SYNJ2: variants seen among roughly 807,000 people sequenced by gnomAD.
SYNJ2 encodes the protein polyphosphatidylinositol phosphatase SYNJ2.
In SYNJ2, 116 loss-of-function variants were observed where a neutral mutation model predicts 141.3. The ratio of observed to expected loss-of-function variants is 0.82; its 90% CI spans 0.71 to 0.96. The LOEUF (loss-of-function observed/expected upper bound fraction) is 0.96, where lower values mean the gene tolerates loss of function less well. Among genes scored for constraint, SYNJ2 ranks in the 40% least tolerant of loss-of-function variants. The pLI is 0.00. For missense variants in SYNJ2, 1,873 were observed against 1,934.8 expected (o/e 0.97, Z 0.60); for synonymous variants, 745 against 777.7 (o/e 0.96, Z 0.70).
chr6:158,000,064 CT>C (rs58284240), intron 1 of SYNJ2, among the ~76,000 whole-genome samples: 18 of 85,586 alleles, frequency 2.1e-4, no homozygotes, highest in Non-Finnish European at 3.2e-4. Flanking sequence ...AGCCAAAAGG[CT>C]TTTTTTTTTT....
At chr6:157,996,561 C>T (rs1777640377) in intron 1 of SYNJ2, among the ~76,000 whole-genome samples, 1 of 152,194 alleles carries the variant, frequency 6.6e-6, no homozygotes, top group South Asian at 2.1e-4. Context: ...CATGCACTCC[C>T]TCCCCCAGGT....
Position 158,064,928 on chromosome 6 carries a change from G to A in SYNJ2, c.1462G>A (p.Asp488Asn), listed in dbSNP as rs768978230. The change falls in exon 11 of 27, where the codon GAC (aspartate) becomes AAC (asparagine). Residue 488 changes from aspartate to asparagine, a missense_variant. Physicochemically the swap from Asp to Asn is conservative, Grantham distance 23. Coordinates refer to ENST00000355585, the MANE Select transcript of SYNJ2 (RefSeq NM_003898.4). ...QEAIKLLLVG[D>N]VYGEEVADKG... ...GGCCATCAAGCTGCTGCTGGTTGGGGACGTCTACGGCGAGGAGGTGGCAGA... is the reference window on the plus strand; with the variant it reads ...GGCCATCAAGCTGCTGCTGGTTGGGAACGTCTACGGCGAGGAGGTGGCAGA... 1.9e-6 allele frequency: 3 copies of A among 1,613,468 alleles called. No individual in the cohort carries two copies. Among genetic ancestry groups the A allele is most frequent in the Non-Finnish European group, 2.5e-6 (3 of 1,179,810 alleles).
intron 6 of SYNJ2, 73 bp from the exon 7 acceptor site, chr6:158,059,184 T>G: frequency 1.4e-6 from 2 of 1,394,292 alleles, no homozygotes; most frequent in Non-Finnish European, 1.9e-6. Flanking sequence ...CGTCTTCCCT[T>G]GAGGGGCAGA....
At chr6:158,046,001 G>T (rs925815246) in intron 5 of SYNJ2, among the ~76,000 whole-genome samples, 5 of 152,130 alleles carry the variant, frequency 3.3e-5, no homozygotes, top group African/African-American at 1.2e-4. Context: ...GGAGTGCAAT[G>T]GCACGACCTC....
In SYNJ2 at chr6:158,071,291, C is replaced by T. The variant is rs564544960; in HGVS notation, c.1941-311C>T. Reference sequence around the variant, plus strand: ...GTGGGCTGGTGGGTGGTGATGTTTGCGCCGCTCCTGGTGGCAGTGAGAACC... The same window carrying T: ...GTGGGCTGGTGGGTGGTGATGTTTGTGCCGCTCCTGGTGGCAGTGAGAACC... On this transcript the variant is annotated intron_variant, in intron 14 of 26. Coordinates refer to ENST00000355585, the MANE Select transcript of SYNJ2 (RefSeq NM_003898.4). This position sits in a 1 kb window ranked among gnomAD's most constrained non-coding sequence, Gnocchi z 4.3. 4.6e-5 allele frequency among the ~76,000 whole-genome samples: 7 copies of T among 152,280 alleles called. No homozygotes were observed. The highest frequency in any genetic ancestry group is 2.1e-4 in the South Asian group (1 of 4,828).
chr6:158,020,689 T>C (rs1412324854), intron 2 of SYNJ2, among the ~76,000 whole-genome samples: 1 of 151,116 alleles, frequency 6.6e-6, no homozygotes, highest in Non-Finnish European at 1.5e-5. Flanking sequence ...TGTGACTCCA[T>C]GTATGTGACC....
At position 158,084,259 on chromosome 6, in the gene SYNJ2, C is replaced by G; in HGVS notation, c.3208+85C>G. The stretch of plus-strand genomic sequence containing the variant: ...TCCTTTTTCTCTTGGCGATTGGGCA[C>G]TGTGTGATATCAAGTATGCAGGTCC... On this transcript the variant is annotated intron_variant, in intron 22 of 26. Transcript: ENST00000355585. This position sits in a 1 kb window ranked among gnomAD's most constrained non-coding sequence, Gnocchi z 5.0. 1 of 1,449,410 alleles carries G rather than the reference C, an allele frequency of 6.9e-7. No homozygotes were observed. Among genetic ancestry groups the G allele is most frequent in the Non-Finnish European group, 9.4e-7 (1 of 1,067,794 alleles). 89.8% of individuals were successfully genotyped at this position (1,449,410 alleles called of 1,614,324 possible).
At chr6:157,992,139 CTT>C (rs1451371499) in intron 1 of SYNJ2, among the ~76,000 whole-genome samples, 1 of 152,154 alleles carries the variant, frequency 6.6e-6, no homozygotes, top group Non-Finnish European at 1.5e-5. Context: ...CAATTATACT[CTT>C]TTAGTTATTT....
At chr6:158,034,611 G>T (rs1779542883) in intron 4 of SYNJ2, among the ~76,000 whole-genome samples, 1 of 152,210 alleles carries the variant, frequency 6.6e-6, no homozygotes, top group Admixed American at 6.5e-5. Flanking sequence ...TCAGAGCAGG[G>T]GGCCCTAAGA....
chr6:158,093,800 C>T (rs183126452), intron 26 of SYNJ2: 33 of 713,690 alleles, frequency 4.6e-5, no homozygotes, highest in Admixed American at 3.7e-4. Flanking sequence ...AAACAGTAAC[C>T]GATTCCCAGA....
At chr6:158,088,078 TGA>T (rs1387592114) in intron 23 of SYNJ2, among the ~76,000 whole-genome samples, 70 of 105,114 alleles carry the variant, frequency 6.7e-4, no homozygotes, top group African/African-American at 2.5e-3. Flanking sequence ...TTTTTTTTTT[TGA>T]GATGGGCTCA....
chr6:158,040,832 G>C lies in SYNJ2; in HGVS notation c.712-2484G>C, dbSNP rs561578750. Reference sequence around the variant, plus strand: ...TCTGGCTGCTCAGTCTGGGGTCTAGGCACTGGCCTGGCCTCATCACAGCAC... The same window carrying C: ...TCTGGCTGCTCAGTCTGGGGTCTAGCCACTGGCCTGGCCTCATCACAGCAC... On this transcript the variant is annotated intron_variant, in intron 4 of 26. Transcript: ENST00000355585. The surrounding 1 kb of genome is among the most constrained non-coding windows in gnomAD (Gnocchi z 4.2). Among the ~76,000 whole-genome samples, 9 of 152,250 alleles carry C rather than the reference G, an allele frequency of 5.9e-5. No homozygotes were observed. In the South Asian group the frequency reaches 1.9e-3, roughly 32 times the overall value.
intron 1 of SYNJ2, among the ~76,000 whole-genome samples, chr6:157,995,372 CAG>C (rs753399603): frequency 3.9e-5 from 6 of 152,154 alleles, no homozygotes; most frequent in South Asian, 2.1e-4. Flanking sequence ...AAAAAACAAA[CAG>C]TGTGTGAGCT....
intron 1 of SYNJ2, among the ~76,000 whole-genome samples, chr6:157,999,427 T>C (rs892065546): frequency 4.6e-5 from 7 of 152,240 alleles, no homozygotes; most frequent in Non-Finnish European, 1.0e-4. Flanking sequence ...CTTTTTCCCA[T>C]GGGATGTTTG....
chr6:158,086,525 A>T (rs1029819209), intron 22 of SYNJ2, among the ~76,000 whole-genome samples: 7 of 151,454 alleles, frequency 4.6e-5, no homozygotes, highest in Admixed American at 2.6e-4. Flanking sequence ...TGGTTGGTTG[A>T]CTCTTCAGGG....
chr6:158,074,517 TCTC>T, intron 15 of SYNJ2, 60 bp from the exon 16 acceptor site: 1 of 1,550,914 alleles, frequency 6.4e-7, no homozygotes, highest in Non-Finnish European at 8.7e-7. Context: ...AGCTTGTTTT[TCTC>T]CTCTCTCCCA....
chr6:158,083,904 G>T, intron 21 of SYNJ2, 97 bp from the exon 22 acceptor site: 1 of 1,397,148 alleles, frequency 7.2e-7, no homozygotes. Flanking sequence ...CAGGGTGCAC[G>T]TGTCCTGACA....
At chr6:158,021,225 G>A (rs551966212) in intron 2 of SYNJ2, among the ~76,000 whole-genome samples, 18 of 152,250 alleles carry the variant, frequency 1.2e-4, no homozygotes, top group Admixed American at 2.0e-4. Flanking sequence ...TGTGCAGTAC[G>A]CAACCTGTGA....
chr6:158,047,080 G>T (rs1277958128), intron 5 of SYNJ2, among the ~76,000 whole-genome samples: 1 of 152,164 alleles, frequency 6.6e-6, no homozygotes, highest in East Asian at 1.9e-4. Context: ...GGATGGGCTT[G>T]TGTGTTTGTA....
Sources: allele counts gnomAD v4.1 joint callset (sites outside exome capture counted in the v4.1 genomes callset), GRCh38; gene constraint gnomAD v4.1.1; non-coding constraint Gnocchi (gnomAD v3.1); transcripts MANE v1.5; gene names NCBI Gene and HGNC (gene_info 2026-07-23, HGNC 2026-07-21).